The following GLG1 variants were observed in gnomAD, a reference collection of about 807,000 sequenced individuals.
GLG1 encodes golgi glycoprotein 1, also known as Golgi apparatus protein 1.
GLG1 carries 38 observed loss-of-function variants against 160.5 expected under a neutral mutation model. That is an observed-to-expected ratio of 0.24 (90% CI 0.18 to 0.31). GLG1 has a LOEUF of 0.31. GLG1 is among the 10% of genes least tolerant of loss of function. The pLI, the probability that GLG1 is intolerant of heterozygous loss-of-function variation, is 1.00. For missense variants in GLG1, 1,373 were observed against 1,505.2 expected, an observed-to-expected ratio of 0.91 and a Z score of 1.45; for synonymous variants, 644 against 543.4, an observed-to-expected ratio of 1.19 and a Z score of -2.57.
Position 74,491,438 on chromosome 16 carries a change from T to A in GLG1, c.1235-223A>T, listed in dbSNP as rs182519138. ...CTGTCACTGTTCTGCATGAAACAGG[T>A]TTTATACTACTGCACTAATAATGCA... On this transcript the variant is annotated intron_variant, in intron 7 of 25. Coordinates refer to ENST00000422840, the MANE Select transcript of GLG1 (RefSeq NM_001145667.2). Among the ~76,000 whole-genome samples the A allele has an allele frequency of 2.5e-3, 373 of 152,202 alleles. 3 individuals carry two copies. The highest frequency in any genetic ancestry group is 2.7e-3 in the Non-Finnish European group (182 of 67,998).
chr16:74,461,173 T>A (rs935136805), intron 22 of GLG1, among the ~76,000 whole-genome samples: 1 of 151,800 alleles, frequency 6.6e-6, no homozygotes, highest in Non-Finnish European at 1.5e-5. Context: ...AATTACTTTT[T>A]TTTTTTTTTT....
chr16:74,567,714 G>T (rs926828207), intron 1 of GLG1, among the ~76,000 whole-genome samples: 1 of 151,210 alleles, frequency 6.6e-6, no homozygotes, highest in African/African-American at 2.4e-5. Flanking sequence ...GACTACAGGC[G>T]CCCGCCACCG....
intron 1 of GLG1, among the ~76,000 whole-genome samples, chr16:74,590,460 A>G (rs1958149770): frequency 1.3e-5 from 2 of 151,606 alleles, no homozygotes. Context: ...TCTACTAAAA[A>G]TACAAAAAAA....
At chr16:74,583,184 T>C (rs945044934) in intron 1 of GLG1, among the ~76,000 whole-genome samples, 3 of 152,166 alleles carry the variant, frequency 2.0e-5, no homozygotes, top group Admixed American at 2.0e-4. Context: ...TATTTACACA[T>C]TCTTTAAGAG....
chr16:74,476,905 A>G (rs1390160209), intron 12 of GLG1, among the ~76,000 whole-genome samples: 1 of 152,230 alleles, frequency 6.6e-6, no homozygotes, highest in African/African-American at 2.4e-5. Flanking sequence ...CCCACTATTC[A>G]TGCAGACCAG....
At chr16:74,594,911 C>T (rs773770971) in intron 1 of GLG1, among the ~76,000 whole-genome samples, 184 of 152,188 alleles carry the variant, frequency 1.2e-3, no homozygotes, top group Admixed American at 2.3e-3. Flanking sequence ...GATTTAAGGC[C>T]GGCGCGGTGG....
chr16:74,481,899 C>A (rs1399749771), intron 10 of GLG1, among the ~76,000 whole-genome samples: 1 of 152,154 alleles, frequency 6.6e-6, no homozygotes, highest in Non-Finnish European at 1.5e-5. Flanking sequence ...CATTCTCCTG[C>A]CTCAGCCTCC....
chr16:74,583,158 T>C (rs1054192184), intron 1 of GLG1, among the ~76,000 whole-genome samples: 1 of 152,142 alleles, frequency 6.6e-6, no homozygotes, highest in Non-Finnish European at 1.5e-5. Context: ...GCTCAGTCCT[T>C]GGAATCATAG....
rs897896708 is a variant in GLG1, at chr16:74,472,687, C to T, written c.2053-276G>A. ...AAAAGTGAGGTAAAAACACATGTAG[C>T]AATAACATTAGAGTATGCAAAGCCT... On this transcript the variant is annotated intron_variant, in intron 13 of 25. Coordinates refer to ENST00000422840, the MANE Select transcript of GLG1 (RefSeq NM_001145667.2). 7 of 642,302 alleles carry T rather than the reference C, an allele frequency of 1.1e-5. No homozygotes were observed. The Admixed American group carries it at 1.2e-4, about 11-fold the overall frequency. The allele number at this position is 642,302 out of a possible 1,614,324, so 39.8% of individuals were successfully genotyped here.
At chr16:74,532,854 A>G (rs1482551016) in intron 1 of GLG1, among the ~76,000 whole-genome samples, 1 of 152,130 alleles carries the variant, frequency 6.6e-6, no homozygotes, top group Non-Finnish European at 1.5e-5. Flanking sequence ...AATTGGCCTA[A>G]TGCTGCTATT....
intron 6 of GLG1, 72 bp downstream of exon 6, chr16:74,494,688 A>C (rs2016123203): frequency 2.8e-6 from 2 of 714,306 alleles, no homozygotes; most frequent in South Asian, 2.9e-5. Context: ...TACAGGCGTG[A>C]GCCACCGTGT....
At chr16:74,491,727 T>C (rs2143381470) in intron 7 of GLG1, among the ~76,000 whole-genome samples, 1 of 148,014 alleles carries the variant, frequency 6.8e-6, no homozygotes, top group Non-Finnish European at 1.5e-5. Context: ...AAGCTCCGTC[T>C]CTTGGGTTCA....
At chr16:74,564,385 T>C (rs1248401544) in intron 1 of GLG1, among the ~76,000 whole-genome samples, 3 of 152,238 alleles carry the variant, frequency 2.0e-5, no homozygotes, top group Admixed American at 2.0e-4. Flanking sequence ...GAACTCTGGC[T>C]AAGGAGCATA....
intron 1 of GLG1, among the ~76,000 whole-genome samples, chr16:74,590,274 C>T (rs974004156): frequency 6.6e-6 from 1 of 152,032 alleles, no homozygotes; most frequent in African/African-American, 2.4e-5. Flanking sequence ...ACTGGGATTA[C>T]AAGCGTGAGC....
intron 13 of GLG1, chr16:74,473,013 A>G (rs1033606137): frequency 1.3e-5 from 2 of 155,072 alleles, no homozygotes; most frequent in African/African-American, 4.8e-5. Flanking sequence ...TCTGAAAACT[A>G]GAAAGCAAAA....
At chr16:74,601,475 G>C (rs561354186) in intron 1 of GLG1, among the ~76,000 whole-genome samples, 10 of 152,022 alleles carry the variant, frequency 6.6e-5, no homozygotes, top group South Asian at 2.1e-4. Context: ...TCAGGAAGCA[G>C]AGAGAGAAAA....
At position 74,522,908 on chromosome 16, in the gene GLG1, C is replaced by T. The variant is rs537209005; in HGVS notation, c.471+9213G>A. Among the ~76,000 whole-genome samples the T allele has an allele frequency of 7.9e-5, 12 of 152,290 alleles. 1 individual carries two copies. In the South Asian group the frequency reaches 2.3e-3, roughly 29 times the overall value. Reference sequence around the variant, plus strand: ...CCATGTTGCTCAGGCTGGTCTCAAACTCTGGGCTCATGCAGTCCTCTCACT... The same window carrying T: ...CCATGTTGCTCAGGCTGGTCTCAAATTCTGGGCTCATGCAGTCCTCTCACT... On this transcript the variant is annotated intron_variant, in intron 2 of 25. Transcript: ENST00000422840.
intron 1 of GLG1, among the ~76,000 whole-genome samples, chr16:74,557,566 G>A (rs768289188): frequency 2.0e-5 from 3 of 152,148 alleles, no homozygotes; most frequent in Non-Finnish European, 4.4e-5. Context: ...TAGTCCAGAC[G>A]CAGAAGATTT....
rs1057302236 is a variant in GLG1 at position 74,470,041 on chromosome 16, C to T, written c.2262G>A (p.Lys754=). The T allele has an allele frequency of 3.1e-6, 5 of 1,610,678 alleles. No individual in the cohort carries two copies. In the African/African-American group the frequency reaches 5.3e-5, roughly 17 times the overall value. The part of the protein sequence containing the change: ...VQMKDFRFSY[K]FKMACKEDVL... ...CGTCCTCCTTGCAGGCCATTTTAAA[C>T]TTGTAAGAAAACCGAAAATCCTTCA... Residue 754 remains lysine, a synonymous_variant, in exon 16 of 26, where the codon AAG becomes AAA. Transcript: ENST00000422840.
Sources: gnomAD v4.1 joint callset for allele counts (sites outside exome capture counted in the v4.1 genomes callset) on GRCh38, gnomAD v4.1.1 for gene constraint, MANE v1.5 for transcripts, NCBI Gene and HGNC (gene_info 2026-07-23, HGNC 2026-07-21) for gene names.